The following KCNQ5 variants were observed in gnomAD, a reference collection of about 807,000 sequenced individuals.
The protein encoded by KCNQ5 is potassium voltage-gated channel subfamily KQT member 5.
KCNQ5 carries 30 observed loss-of-function variants against 98.2 expected under a neutral mutation model. That is an observed-to-expected ratio of 0.31 (90% confidence interval 0.23 to 0.41). The LOEUF (loss-of-function observed/expected upper bound fraction) is 0.41. KCNQ5 is among the 10% of genes least tolerant of loss of function. The pLI is 1.00. For missense variants in KCNQ5, 835 were observed against 1,182.5 expected (o/e 0.71, Z 4.31); for synonymous variants, 458 against 449.4 (o/e 1.02, Z -0.24).
In KCNQ5 at chr6:73,103,594, C is replaced by T. The variant is rs188483492; in HGVS notation, c.919-1663C>T. On this transcript the variant is annotated intron_variant, in intron 5 of 13. Transcript: ENST00000370398. ...GCACATGTATACATATATAACAAAC[C>T]TGCACATTGTGCACATGTACCCTAG... Among the ~76,000 whole-genome samples the T allele has an allele frequency of 1.7e-3, 266 of 152,094 alleles. 1 individual carries two copies. Among genetic ancestry groups the T allele is most frequent in the African/African-American group, 6.2e-3 (258 of 41,454 alleles).
intron 1 of KCNQ5, among the ~76,000 whole-genome samples, chr6:72,841,954 T>G (rs917298555): frequency 6.6e-6 from 1 of 152,126 alleles, no homozygotes. Flanking sequence ...TGTCAAGGGG[T>G]CCTTAATTGC....
intron 1 of KCNQ5, among the ~76,000 whole-genome samples, chr6:72,966,493 G>A (rs376659108): frequency 6.6e-5 from 10 of 151,834 alleles, no homozygotes; most frequent in East Asian, 1.9e-4. Flanking sequence ...TCTTGAACCC[G>A]GGAGGCAGAG....
At chr6:72,836,697 C>T (rs150995078) in intron 1 of KCNQ5, among the ~76,000 whole-genome samples, 291 of 152,204 alleles carry the variant, frequency 1.9e-3, no homozygotes, top group African/African-American at 6.6e-3. Flanking sequence ...CTCAAACTTA[C>T]ATTCATTTTT....
At chr6:73,169,916 G>A in intron 11 of KCNQ5, 62 bp downstream of exon 11, 1 of 1,094,380 alleles carries the variant, frequency 9.1e-7, no homozygotes, top group South Asian at 1.3e-5. Flanking sequence ...GAATTACTAT[G>A]TTGCTAAGTT....
At chr6:72,790,617 A>T (rs1773988249) in intron 1 of KCNQ5, among the ~76,000 whole-genome samples, 1 of 152,230 alleles carries the variant, frequency 6.6e-6, no homozygotes. Context: ...CAGGGTGACT[A>T]TGGTAAAAAA....
At chr6:72,632,431 G>A (rs1281979499) in intron 1 of KCNQ5, among the ~76,000 whole-genome samples, 1 of 152,002 alleles carries the variant, frequency 6.6e-6, no homozygotes, top group Non-Finnish European at 1.5e-5. Context: ...GTGAGCCACC[G>A]CGCCTGGCCA....
chr6:72,833,890 T>G (rs535581071), intron 1 of KCNQ5, among the ~76,000 whole-genome samples: 1 of 152,222 alleles, frequency 6.6e-6, no homozygotes, highest in East Asian at 1.9e-4. Flanking sequence ...TATTTGTTGA[T>G]ATCTATAGAT....
At chr6:72,933,586 A>G (rs1385227778) in intron 1 of KCNQ5, among the ~76,000 whole-genome samples, 1 of 152,200 alleles carries the variant, frequency 6.6e-6, no homozygotes, top group Non-Finnish European at 1.5e-5. Flanking sequence ...GATTGTTTCA[A>G]ATTAGCTCTA....
intron 1 of KCNQ5, among the ~76,000 whole-genome samples, chr6:72,633,191 G>A (rs141658322): frequency 6.6e-6 from 1 of 152,216 alleles, no homozygotes; most frequent in Non-Finnish European, 1.5e-5. Flanking sequence ...GTGATGATGA[G>A]CATTTTTTCA....
chr6:72,973,456 G>C (rs925369566), intron 1 of KCNQ5, among the ~76,000 whole-genome samples: 2 of 151,914 alleles, frequency 1.3e-5, no homozygotes, highest in Non-Finnish European at 2.9e-5. Context: ...CCTTTGAAAG[G>C]CTGAATTATT....
chr6:73,053,099 ACATT>A (rs1296966680), intron 3 of KCNQ5, among the ~76,000 whole-genome samples: 1 of 152,240 alleles, frequency 6.6e-6, no homozygotes, highest in African/African-American at 2.4e-5. Context: ...TTGCTATTCT[ACATT>A]CAAACAAAAC....
intron 10 of KCNQ5, among the ~76,000 whole-genome samples, chr6:73,151,807 T>C (rs947746): frequency 0.84 from 128,013 of 152,188 alleles, 54,535 homozygotes; most frequent in East Asian, 0.97. Context: ...TTCAGGATCT[T>C]GTGTTTTTGT....
chr6:72,636,319 C>A (rs2098924111), intron 1 of KCNQ5, among the ~76,000 whole-genome samples: 1 of 152,164 alleles, frequency 6.6e-6, no homozygotes, highest in Admixed American at 6.5e-5. Flanking sequence ...GATCTATAAT[C>A]TGGCATCACA....
At chr6:72,776,998 A>G (rs1773193177) in intron 1 of KCNQ5, among the ~76,000 whole-genome samples, 1 of 152,124 alleles carries the variant, frequency 6.6e-6, no homozygotes, top group Non-Finnish European at 1.5e-5. Flanking sequence ...AGCAAAACAG[A>G]TCACATAAGC....
chr6:72,778,716 A>G (rs1773295172), intron 1 of KCNQ5, among the ~76,000 whole-genome samples: 1 of 152,234 alleles, frequency 6.6e-6, no homozygotes, highest in African/African-American at 2.4e-5. Flanking sequence ...TGCAGTGTAA[A>G]TAAATACAAT....
At chr6:73,059,169 C>A (rs965183950) in intron 3 of KCNQ5, among the ~76,000 whole-genome samples, 1 of 152,130 alleles carries the variant, frequency 6.6e-6, no homozygotes, top group African/African-American at 2.4e-5. Flanking sequence ...AACCTACATG[C>A]CCATTGATGG....
At chr6:72,832,924 T>G (rs1355909972) in intron 1 of KCNQ5, among the ~76,000 whole-genome samples, 1 of 152,188 alleles carries the variant, frequency 6.6e-6, no homozygotes, top group Non-Finnish European at 1.5e-5. Context: ...CATACCCATG[T>G]ACTTGAGCAG....
At chr6:73,175,745 T>C (rs1778188003) in intron 11 of KCNQ5, among the ~76,000 whole-genome samples, 1 of 152,188 alleles carries the variant, frequency 6.6e-6, no homozygotes, top group Admixed American at 6.5e-5. Context: ...AAAAGATGGA[T>C]CCCTGCTTAG....
chr6:72,931,323 C>A (rs1210571078), intron 1 of KCNQ5, among the ~76,000 whole-genome samples: 1 of 152,056 alleles, frequency 6.6e-6, no homozygotes. Context: ...TACTAGAATA[C>A]CTCATATGAA....
Sources: allele counts gnomAD v4.1 joint callset (sites outside exome capture counted in the v4.1 genomes callset), GRCh38; gene constraint gnomAD v4.1.1; transcripts MANE v1.5; gene names NCBI Gene and HGNC (gene_info 2026-07-23, HGNC 2026-07-21).